The following CDKAL1 variants were observed in gnomAD, a reference collection of about 807,000 sequenced individuals.
CDKAL1 encodes threonylcarbamoyladenosine tRNA methylthiotransferase.
In CDKAL1, 32 loss-of-function variants were observed where a neutral mutation model predicts 68.2. That is an observed-to-expected ratio of 0.47 (90% CI 0.35 to 0.63). CDKAL1 has a LOEUF of 0.63. Among genes scored for constraint, CDKAL1 ranks in the 30% least tolerant of loss-of-function variants. CDKAL1 has a pLI of 0.00. For synonymous variants in CDKAL1, 234 were observed against 244.3 expected (o/e 0.96, Z 0.39); for missense variants, 606 against 696.7 (o/e 0.87, Z 1.47).
chr6:20,699,164 T>A (rs1771234498), intron 5 of CDKAL1, among the ~76,000 whole-genome samples: 1 of 152,116 alleles, frequency 6.6e-6, no homozygotes, highest in Non-Finnish European at 1.5e-5. Flanking sequence ...GTCAAAACAT[T>A]TGTCACCTGA....
intron 5 of CDKAL1, among the ~76,000 whole-genome samples, chr6:20,672,925 A>T (rs11963945): frequency 1.3e-5 from 2 of 151,832 alleles, no homozygotes; most frequent in African/African-American, 4.8e-5. Flanking sequence ...TACAGGCGCG[A>T]GCTACCATGC....
At chr6:20,696,202 T>TGAGC (rs1277901342) in intron 5 of CDKAL1, among the ~76,000 whole-genome samples, 3 of 152,242 alleles carry the variant, frequency 2.0e-5, no homozygotes, top group Non-Finnish European at 4.4e-5. Context: ...CCCAGAAATA[T>TGAGC]GAGCCCTCAT....
chr6:21,172,635 T>C (rs1475276360), intron 13 of CDKAL1, among the ~76,000 whole-genome samples: 1 of 152,136 alleles, frequency 6.6e-6, no homozygotes, highest in Non-Finnish European at 1.5e-5. Flanking sequence ...CATGCCCCTA[T>C]AGTCCCAGCT....
chr6:21,040,745 CATAAT>C (rs1769876746), intron 11 of CDKAL1, among the ~76,000 whole-genome samples: 1 of 152,112 alleles, frequency 6.6e-6, no homozygotes, highest in Non-Finnish European at 1.5e-5. Flanking sequence ...GAATAAATGA[CATAAT>C]ATACCTATGA....
At chr6:21,142,078 C>T (rs1362923429) in intron 13 of CDKAL1, among the ~76,000 whole-genome samples, 3 of 151,948 alleles carry the variant, frequency 2.0e-5, no homozygotes, top group Non-Finnish European at 4.4e-5. Flanking sequence ...AATAGCTGGT[C>T]CTCAGTAGTG....
intron 4 of CDKAL1, among the ~76,000 whole-genome samples, chr6:20,585,804 A>G (rs1765331165): frequency 6.7e-6 from 1 of 149,680 alleles, no homozygotes. Flanking sequence ...ACCTATACTC[A>G]CTTATTTGGG....
intron 10 of CDKAL1, among the ~76,000 whole-genome samples, chr6:20,993,309 T>G (rs959409845): frequency 1.1e-4 from 16 of 152,250 alleles, no homozygotes; most frequent in African/African-American, 3.1e-4. Context: ...GTTTGTCTTT[T>G]TTTGGAGGTT....
chr6:21,201,538 T>G (rs1778693618), intron 15 of CDKAL1, among the ~76,000 whole-genome samples: 1 of 152,170 alleles, frequency 6.6e-6, no homozygotes, highest in Non-Finnish European at 1.5e-5. Flanking sequence ...TATTTGCAGG[T>G]GAAAATGTTG....
chr6:20,551,144 CG>C, intron 4 of CDKAL1, among the ~76,000 whole-genome samples: 1 of 151,470 alleles, frequency 6.6e-6, no homozygotes, highest in South Asian at 2.1e-4. Flanking sequence ...GGATTACAGG[CG>C]TGAGCCACTG....
chr6:21,212,873 A>G (rs1779207421), intron 15 of CDKAL1, among the ~76,000 whole-genome samples: 1 of 152,206 alleles, frequency 6.6e-6, no homozygotes, highest in Non-Finnish European at 1.5e-5. Context: ...TTCAATCCAT[A>G]TATCAAATCA....
chr6:20,855,630 T>G (rs2150512898), intron 9 of CDKAL1, among the ~76,000 whole-genome samples: 1 of 152,152 alleles, frequency 6.6e-6, no homozygotes, highest in Middle Eastern at 3.4e-3. Flanking sequence ...GCTAATACCT[T>G]AGGGGTTTGT....
intron 9 of CDKAL1, among the ~76,000 whole-genome samples, chr6:20,879,768 T>C (rs1760718243): frequency 6.6e-6 from 1 of 152,204 alleles, no homozygotes; most frequent in South Asian, 2.1e-4. Flanking sequence ...TTCTGTGTGG[T>C]GACCCCTGCT....
intron 5 of CDKAL1, among the ~76,000 whole-genome samples, chr6:20,683,161 T>C (rs1262607699): frequency 6.6e-6 from 1 of 152,162 alleles, no homozygotes; most frequent in Non-Finnish European, 1.5e-5. Context: ...GGTACTTTTA[T>C]ATACTTTGTC....
chr6:21,112,229 T>C (rs1774152994), intron 13 of CDKAL1, among the ~76,000 whole-genome samples: 1 of 152,248 alleles, frequency 6.6e-6, no homozygotes, highest in South Asian at 2.1e-4. Context: ...TCTCTGTTTT[T>C]TGTTAGATTT....
intron 4 of CDKAL1, among the ~76,000 whole-genome samples, chr6:20,598,248 G>C (rs1478467794): frequency 6.6e-6 from 1 of 152,178 alleles, no homozygotes; most frequent in Non-Finnish European, 1.5e-5. Context: ...TATTTGTGAT[G>C]GTTATAGTTA....
At chr6:20,661,859 G>T (rs755058486) in intron 5 of CDKAL1, among the ~76,000 whole-genome samples, 5 of 152,188 alleles carry the variant, frequency 3.3e-5, no homozygotes, top group Admixed American at 2.0e-4. Flanking sequence ...GCAACAGCTG[G>T]CTGATAGCAT....
intron 13 of CDKAL1, among the ~76,000 whole-genome samples, chr6:21,130,883 G>T (rs1775283415): frequency 6.6e-6 from 1 of 152,156 alleles, no homozygotes; most frequent in Admixed American, 6.5e-5. Context: ...GCCAATGCCA[G>T]GACTAAAAGG....
intron 11 of CDKAL1, among the ~76,000 whole-genome samples, chr6:21,017,003 C>G (rs1768377112): frequency 6.6e-6 from 1 of 152,164 alleles, no homozygotes. Context: ...TCTTAGCTCC[C>G]CATTGCCTAC....
At chr6:20,832,632 G>T (rs371102177) in intron 8 of CDKAL1, among the ~76,000 whole-genome samples, 2 of 152,100 alleles carry the variant, frequency 1.3e-5, no homozygotes, top group African/African-American at 4.8e-5. Flanking sequence ...TTCCAGCCTG[G>T]GTGACAGACT....
Sources: allele counts gnomAD v4.1 joint callset (sites outside exome capture counted in the v4.1 genomes callset), GRCh38; gene constraint gnomAD v4.1.1; transcripts MANE v1.5; gene names NCBI Gene and HGNC (gene_info 2026-07-23, HGNC 2026-07-21).